Variants in ZNF853 observed in about 807,000 individuals in gnomAD.
ZNF853 encodes the protein zinc finger protein 853.
A neutral mutation model predicts 94.7 loss-of-function variants in ZNF853; 57 were observed. That is an observed-to-expected ratio of 0.60 (90% confidence interval 0.49 to 0.75). The LOEUF is 0.75. Ranked by LOEUF, ZNF853 falls within the 30% of genes least tolerant of loss-of-function variation. ZNF853 has a pLI of 0.00. For synonymous variants in ZNF853, 448 were observed against 406.3 expected (o/e 1.10, Z -1.23); for missense variants, 785 against 868.9 (o/e 0.90, Z 1.21).
chr7:6,616,294 G>T, intron 1 of ZNF853, 108 bp downstream of exon 1: 2 of 1,170,326 alleles, frequency 1.7e-6, no homozygotes, highest in Non-Finnish European at 2.4e-6. Context: ...GGCCAGCTCT[G>T]CACGGGCCAG....
In ZNF853 at chr7:6,621,199, TCGGCCCCAGTGGGGG is replaced by T; in HGVS notation, c.210_224del (p.Ala71_Ala75del). On this transcript the variant is annotated inframe_deletion, in exon 3 of 3. Transcript: ENST00000457543. ...CAGCAGTCCACAGCGGCCAGCAGTC[TCGGCCCCAGTGGGGG>T]CCAGTGAAATCGCTGAGGAAACCCG... The T allele has an allele frequency of 6.6e-7, 1 of 1,522,968 alleles. No individual in the cohort carries two copies. The highest frequency in any genetic ancestry group is 2.5e-5 in the East Asian group (1 of 40,746). 94.3% of individuals were successfully genotyped at this position (1,522,968 alleles called of 1,614,324 possible). A position where few individuals can be genotyped will look rare whatever the true frequency, so the allele number is the denominator to read the frequency against.
rs936989127 is a variant in ZNF853, at chr7:6,621,309, C to T, written c.318C>T (p.His106=). The T allele has an allele frequency of 1.5e-5, 24 of 1,551,134 alleles. No individual in the cohort carries two copies. The highest frequency in any genetic ancestry group is 1.9e-5 in the Non-Finnish European group (22 of 1,146,668). ...QQPEPQQQPQ[H]EQLQQPQPHL... ...CCGAGCCGCAGCAACAGCCGCAACA[C>T]GAGCAGCTGCAACAGCCGCAGCCAC... The change falls in exon 3 of 3, where the codon CAC becomes CAT. Residue 106 remains histidine, a synonymous_variant. Transcript: ENST00000457543.
chr7:6,622,976 C>A lies in ZNF853; in HGVS notation c.*5C>A. On this transcript the variant is annotated 3_prime_UTR_variant, in exon 3 of 3. Transcript: ENST00000457543. ...CCCGCAGACAAGGCGCTGTGAGGGC[C>A]GTGATCGGGGCTGCCTGGCCGGGAG... 8.0e-7 allele frequency: 1 copy of A among 1,247,920 alleles called. No individual in the cohort carries two copies. 77.3% of individuals were successfully genotyped at this position (1,247,920 alleles called of 1,614,324 possible). A position where few individuals can be genotyped will look rare whatever the true frequency, so the allele number is the denominator to read the frequency against.
chr7:6,622,404 T>C lies in ZNF853; in HGVS notation c.1413T>C (p.Pro471=), dbSNP rs1363272124. The C allele has an allele frequency of 2.1e-6, 3 of 1,406,214 alleles. No homozygotes were observed. Among genetic ancestry groups the C allele is most frequent in the African/African-American group, 3.1e-5 (2 of 64,740 alleles). 87.1% of individuals were successfully genotyped at this position (1,406,214 alleles called of 1,614,324 possible). A position where few individuals can be genotyped will look rare whatever the true frequency, so the allele number is the denominator to read the frequency against. Residue 471 remains proline (P), a synonymous_variant, in exon 3 of 3, where the codon CCT becomes CCC. Transcript: ENST00000457543. The part of the protein sequence containing the change: ...PGPAGSAALT[P]ARQRRRRRAR... Reference sequence around the variant, plus strand: ...CGGCAGGCAGCGCGGCGTTGACCCCTGCACGGCAGCGGCGGCGGCGGCGCG... The same window carrying C: ...CGGCAGGCAGCGCGGCGTTGACCCCCGCACGGCAGCGGCGGCGGCGGCGCG...
chr7:6,621,150 G>T lies in ZNF853; in HGVS notation c.159G>T (p.Glu53Asp). The part of the protein sequence containing the change: ...SGGSGGSESQ[E>D]EEEPQERNSS... ...GCAGCGGTGGGAGCGAGAGTCAGGA[G>T]GAGGAAGAGCCTCAGGAGAGGAACA... The change falls in exon 3 of 3, where the codon GAG (glutamate) becomes GAT (aspartate). Residue 53 changes from glutamate (E) to aspartate (D), a missense_variant. Glu to Asp is a conservative substitution (Grantham distance 45). Coordinates refer to ENST00000457543, the MANE Select transcript of ZNF853 (RefSeq NM_017560.3). 6.8e-7 allele frequency: 1 copy of T among 1,468,798 alleles called. No homozygotes were observed. The highest frequency in any genetic ancestry group is 9.0e-7 in the Non-Finnish European group (1 of 1,110,206). The allele number at this position is 1,468,798 out of a possible 1,614,324, so 91.0% of individuals were successfully genotyped here. A position where few individuals can be genotyped will look rare whatever the true frequency, so the allele number is the denominator to read the frequency against.
In ZNF853 at chr7:6,617,236, C is replaced by T. The variant is rs1341536664; in HGVS notation, c.59C>T (p.Pro20Leu). 1 of 1,534,108 alleles carries T rather than the reference C, an allele frequency of 6.5e-7. No homozygotes were observed. Among genetic ancestry groups the T allele is most frequent in the Non-Finnish European group, 8.8e-7 (1 of 1,138,840 alleles). Residue 20 changes from proline (P) to leucine (L), a missense_variant, in exon 2 of 3, where the codon CCA becomes CTA. Pro to Leu is a moderately conservative substitution (Grantham distance 98). Transcript: ENST00000457543. ...CTGACCGCCAGGATGGAAGTGGGGC[C>T]AGCCACCGAGACCTTCGTGCTGGAA... ...RGLTARMEVGPATETFVLELQ... is the reference protein window; with the variant it reads ...RGLTARMEVGLATETFVLELQ...
At chr7:6,619,550 G>C in intron 2 of ZNF853, among the ~76,000 whole-genome samples, 1 of 152,098 alleles carries the variant, frequency 6.6e-6, no homozygotes, top group Admixed American at 6.6e-5. Flanking sequence ...GATTATAGGC[G>C]TGAGCCACCG....
rs781165676 is a variant in ZNF853, at chr7:6,623,025, T to C, written c.*54T>C. On this transcript the variant is annotated 3_prime_UTR_variant, in exon 3 of 3. Coordinates refer to ENST00000457543, the MANE Select transcript of ZNF853 (RefSeq NM_017560.3). ...AGGGGACCCCCCACCCGCCTCCACCTGAAAAGCTCCTTGACCCGGGTTCAT... is the reference window on the plus strand; with the variant it reads ...AGGGGACCCCCCACCCGCCTCCACCCGAAAAGCTCCTTGACCCGGGTTCAT... The C allele has an allele frequency of 1.6e-6, 2 of 1,233,628 alleles. No homozygotes were observed. Among genetic ancestry groups the C allele is most frequent in the Non-Finnish European group, 2.0e-6 (2 of 988,704 alleles). 76.4% of individuals were successfully genotyped at this position (1,233,628 alleles called of 1,614,324 possible). A position where few individuals can be genotyped will look rare whatever the true frequency, so the allele number is the denominator to read the frequency against.
Position 6,622,432 on chromosome 7 carries a change from C to A in ZNF853, c.1441C>A (p.Arg481=). 1 of 1,449,912 alleles carries A rather than the reference C, an allele frequency of 6.9e-7. No individual in the cohort carries two copies. The highest frequency in any genetic ancestry group is 2.8e-5 in the Admixed American group (1 of 36,234). The allele number at this position is 1,449,912 out of a possible 1,614,324, so 89.8% of individuals were successfully genotyped here. Residue 481 remains arginine (R), a synonymous_variant, in exon 3 of 3, where the codon CGG becomes AGG. Coordinates refer to ENST00000457543, the MANE Select transcript of ZNF853 (RefSeq NM_017560.3). The part of the protein sequence containing the change: ...PARQRRRRRA[R]DRPTICGECG... ...ACGGCAGCGGCGGCGGCGGCGCGCT[C>A]GGGACCGGCCGACCATCTGCGGGGA...
intron 2 of ZNF853, among the ~76,000 whole-genome samples, chr7:6,619,032 A>ATTTTGTTTTT: frequency 1.2e-5 from 1 of 86,874 alleles, no homozygotes; most frequent in African/African-American, 4.7e-5. Context: ...CCCTTGGTGG[A>ATTTTGTTTTT]TTTTTTTTTT....
At chr7:6,617,432 C>G in intron 2 of ZNF853, 125 bp downstream of exon 2, 1 of 923,918 alleles carries the variant, frequency 1.1e-6, no homozygotes, top group South Asian at 2.2e-5. Flanking sequence ...TTGAGTAACA[C>G]CAGCAGCTCT....
chr7:6,622,894 C>T lies in ZNF853; in HGVS notation c.1903C>T (p.Arg635Trp), dbSNP rs1583431105. 4 of 1,255,756 alleles carry T rather than the reference C, an allele frequency of 3.2e-6. No homozygotes were observed. The highest frequency in any genetic ancestry group is 4.0e-6 in the Non-Finnish European group (4 of 1,000,898). 77.8% of individuals were successfully genotyped at this position (1,255,756 alleles called of 1,614,324 possible). A position where few individuals can be genotyped will look rare whatever the true frequency, so the allele number is the denominator to read the frequency against. Residue 635 changes from arginine (R) to tryptophan (W), a missense_variant, in exon 3 of 3, where the codon CGG becomes TGG. Arg to Trp is a moderately radical substitution (Grantham distance 101). Coordinates refer to ENST00000457543, the MANE Select transcript of ZNF853 (RefSeq NM_017560.3). ...GGGCCTCGGCCTGCTGCGCGCCTCG[C>T]GGCCGGCGGCCCTCGGTGGCCCAGC... The part of the protein sequence containing the change: ...SRGLGLLRAS[R>W]PAALGGPARA...
At chr7:6,618,408 C>T in intron 2 of ZNF853, among the ~76,000 whole-genome samples, 1 of 151,504 alleles carries the variant, frequency 6.6e-6, no homozygotes, top group African/African-American at 2.4e-5. Context: ...CACTAAAATG[C>T]CTTTGTTAAA....
In ZNF853 at chr7:6,621,855, G is replaced by A. The variant is rs1782618503; in HGVS notation, c.864G>A (p.Gln288=). The A allele has an allele frequency of 6.4e-7, 1 of 1,550,874 alleles. No individual in the cohort carries two copies. The highest frequency in any genetic ancestry group is 1.4e-5 in the African/African-American group (1 of 73,166). Residue 288 remains glutamine, a synonymous_variant, in exon 3 of 3, where the codon CAG becomes CAA. Coordinates refer to ENST00000457543, the MANE Select transcript of ZNF853 (RefSeq NM_017560.3). Reference sequence around the variant, plus strand: ...TGCAGCAGCAGGAACAGTTACAGCAGCAGCAGCAACAGCAGCTGTTGCAAC... The same window carrying A: ...TGCAGCAGCAGGAACAGTTACAGCAACAGCAGCAACAGCAGCTGTTGCAAC... The part of the protein sequence containing the change: ...LLLQQQEQLQ[Q]QQQQQLLQQQ...
chr7:6,617,595 T>G, intron 2 of ZNF853: 1 of 985,402 alleles, frequency 1.0e-6, no homozygotes, highest in Non-Finnish European at 1.2e-6. Flanking sequence ...CCAGAGGGCC[T>G]CCACCATCCT....
intron 1 of ZNF853, 109 bp from the exon 2 acceptor site, chr7:6,617,081 G>GCTGC: frequency 1.3e-6 from 1 of 771,832 alleles, no homozygotes; most frequent in Admixed American, 2.7e-5. Flanking sequence ...GGAGCTGACC[G>GCTGC]CTCTGGGTGG....
chr7:6,616,429 C>A, intron 1 of ZNF853, among the ~76,000 whole-genome samples: 1 of 152,150 alleles, frequency 6.6e-6, no homozygotes. Context: ...CTTCTCAGAG[C>A]AGGCCAGGAA....
In ZNF853 at chr7:6,616,194, C is replaced by T; in HGVS notation, c.12+8C>T. The T allele has an allele frequency of 6.5e-7, 1 of 1,547,964 alleles. No individual in the cohort carries two copies. Among genetic ancestry groups the T allele is most frequent in the Non-Finnish European group, 8.7e-7 (1 of 1,144,898 alleles). On this transcript the variant is annotated splice_region_variant and intron_variant, in intron 1 of 2. Coordinates refer to ENST00000457543, the MANE Select transcript of ZNF853 (RefSeq NM_017560.3). Reference sequence around the variant, plus strand: ...CAGGAAATGCTCCACCAGGTGAGGCCCAGGGGGTCGTTGGCGCTGGGCAAC... The same window carrying T: ...CAGGAAATGCTCCACCAGGTGAGGCTCAGGGGGTCGTTGGCGCTGGGCAAC...
rs543529210 is a variant in ZNF853 at position 6,622,373 on chromosome 7, C to T, written c.1382C>T (p.Pro461Leu). 102 of 1,408,202 alleles carry T rather than the reference C, an allele frequency of 7.2e-5. No homozygotes were observed. The highest frequency in any genetic ancestry group is 9.3e-5 in the Non-Finnish European group (101 of 1,088,182). 87.2% of individuals were successfully genotyped at this position (1,408,202 alleles called of 1,614,324 possible). ...AVAAPAVVAI[P>L]GPAGSAALTP... ...GCAGCGCCGGCCGTGGTGGCCATCC[C>T]GGGCCCGGCAGGCAGCGCGGCGTTG... Residue 461 changes from proline (P) to leucine (L), a missense_variant, in exon 3 of 3, where the codon CCG (proline) becomes CTG (leucine). Transcript: ENST00000457543.
Sources: gnomAD v4.1 joint callset for allele counts (sites outside exome capture counted in the v4.1 genomes callset) on GRCh38, gnomAD v4.1.1 for gene constraint, MANE v1.5 for transcripts, NCBI Gene and HGNC (gene_info 2026-07-23, HGNC 2026-07-21) for gene names.